NDUFS1: variants seen among roughly 807,000 people sequenced by gnomAD.
The protein encoded by NDUFS1 is NADH-ubiquinone oxidoreductase 75 kDa subunit, mitochondrial.
Under a neutral mutation model 84.4 loss-of-function variants are expected in NDUFS1, and 61 were observed. The ratio of observed to expected loss-of-function variants is 0.72; its 90% CI spans 0.59 to 0.89. The LOEUF (loss-of-function observed/expected upper bound fraction) is 0.89. Among genes scored for constraint, NDUFS1 ranks in the 40% least tolerant of loss-of-function variants. The pLI is 0.00. For synonymous variants in NDUFS1, 275 were observed against 290.0 expected (o/e 0.95, Z 0.53); for missense variants, 891 against 890.0 (o/e 1.00, Z -0.01).
intron 3 of NDUFS1, among the ~76,000 whole-genome samples, chr2:206,151,449 C>G (rs978260541): frequency 2.6e-5 from 4 of 152,190 alleles, no homozygotes; most frequent in African/African-American, 9.7e-5. Context: ...TCAGGGATGA[C>G]CTGAGGCACC....
chr2:206,153,987 C>T (rs544902943), intron 1 of NDUFS1, among the ~76,000 whole-genome samples: 2 of 152,284 alleles, frequency 1.3e-5, no homozygotes, highest in African/African-American at 4.8e-5. Context: ...CACTACCACA[C>T]AGTAAAATAA....
chr2:206,128,939 T>G (rs1405098950), intron 15 of NDUFS1, among the ~76,000 whole-genome samples: 1 of 151,994 alleles, frequency 6.6e-6, no homozygotes, highest in East Asian at 1.9e-4. Flanking sequence ...TTTGTGAAAT[T>G]TGGTAAAGTA....
intron 3 of NDUFS1, 98 bp from the exon 4 acceptor site, chr2:206,150,023 T>TTCTATCCATCTA (rs1553507437): frequency 1.6e-4 from 108 of 691,648 alleles, no homozygotes; most frequent in Admixed American, 3.0e-4. Flanking sequence ...ATCTTATTAC[T>TTCTATCCATCTA]TCTATCTATC....
chr2:206,151,275 C>T (rs1038409836), intron 3 of NDUFS1, among the ~76,000 whole-genome samples: 1 of 152,182 alleles, frequency 6.6e-6, no homozygotes, highest in African/African-American at 2.4e-5. Context: ...AACTTGATTT[C>T]CTGTGATCTC....
chr2:206,120,598 G>T lies in NDUFS1; in HGVS notation c.*3587C>A, dbSNP rs1267024447. 6.6e-6 allele frequency: 1 copy of T among 152,408 alleles called. No individual in the cohort carries two copies. The highest frequency in any genetic ancestry group is 1.5e-5 in the Non-Finnish European group (1 of 68,218). The allele number at this position is 152,408 out of a possible 1,614,324, so 9.4% of individuals were successfully genotyped here. On this transcript the variant is annotated 3_prime_UTR_variant, in exon 19 of 19. Coordinates refer to ENST00000233190, the MANE Select transcript of NDUFS1 (RefSeq NM_005006.7). ...TTGAACTTAAGAGTGATGACTTAGG[G>T]TATCAGGGTATCTGGCAGAAGAAAT...
chr2:206,127,124 A>G (rs554897404), intron 16 of NDUFS1, among the ~76,000 whole-genome samples: 3 of 152,376 alleles, frequency 2.0e-5, no homozygotes, highest in Admixed American at 6.5e-5. Context: ...ATTAAAATAC[A>G]TAAAGTTTAC....
At chr2:206,158,945 T>A (rs1683225340) in intron 1 of NDUFS1, 1 of 742,366 alleles carries the variant, frequency 1.3e-6, no homozygotes, top group Non-Finnish European at 2.2e-6. Context: ...ATGCACTGTA[T>A]CAGGCGTGTA....
chr2:206,137,124 G>A (rs1198656701), intron 13 of NDUFS1, among the ~76,000 whole-genome samples: 1 of 152,102 alleles, frequency 6.6e-6, no homozygotes, highest in Non-Finnish European at 1.5e-5. Context: ...TGTATCTTTA[G>A]ACTGAAAGTA....
In NDUFS1 at chr2:206,147,776, G is replaced by C; in HGVS notation, c.397C>G (p.Gln133Glu). The change falls in exon 6 of 19, where the codon CAG becomes GAG. Residue 133 changes from glutamine to glutamate, a missense_variant. By Grantham distance (29) the Gln-to-Glu change is conservative. Coordinates refer to ENST00000233190, the MANE Select transcript of NDUFS1 (RefSeq NM_005006.7). ...NHPLDCPICD[Q>E]GGECDLQDQS... ...ACCTGCAGATCACATTCACCTCCCTGGTCACAAATAGGACAGTCCAATGGG... is the reference window on the plus strand; with the variant it reads ...ACCTGCAGATCACATTCACCTCCCTCGTCACAAATAGGACAGTCCAATGGG... 1 of 1,613,936 alleles carries C rather than the reference G, an allele frequency of 6.2e-7. No individual in the cohort carries two copies. Among genetic ancestry groups the C allele is most frequent in the Non-Finnish European group, 8.5e-7 (1 of 1,179,938 alleles).
intron 15 of NDUFS1, among the ~76,000 whole-genome samples, chr2:206,128,857 A>G (rs1691397164): frequency 6.6e-6 from 1 of 152,114 alleles, no homozygotes; most frequent in Non-Finnish European, 1.5e-5. Flanking sequence ...TATGTATAAT[A>G]TAATACACAC....
chr2:206,155,195 T>C (rs972523917), intron 1 of NDUFS1, among the ~76,000 whole-genome samples: 1 of 152,166 alleles, frequency 6.6e-6, no homozygotes, highest in African/African-American at 2.4e-5. Flanking sequence ...CTCAGCTCAC[T>C]GCAACCTCCG....
rs1056433452 is a variant in NDUFS1, at chr2:206,130,243, C to T, written c.1554-1G>A. On this transcript the variant is annotated splice_acceptor_variant, in intron 14 of 18. Coordinates refer to ENST00000233190, the MANE Select transcript of NDUFS1 (RefSeq NM_005006.7). LOFTEE classifies it high-confidence loss of function. ...CAAAGCAGCTACTTGACTTGCAATC[C>T]TGCAAAGCAATTATGGAATTTTACC... 2 of 1,614,052 alleles carry T rather than the reference C, an allele frequency of 1.2e-6. No individual in the cohort carries two copies. The highest frequency in any genetic ancestry group is 1.7e-6 in the Non-Finnish European group (2 of 1,180,030).
intron 18 of NDUFS1, among the ~76,000 whole-genome samples, chr2:206,125,095 C>CT (rs5838011): frequency 0.41 from 62,447 of 151,526 alleles, 13,312 homozygotes; most frequent in Admixed American, 0.48. Flanking sequence ...ATCTGCCCCC[C>CT]TCAGCCTCCC....
At chr2:206,131,985 G>A (rs981860132) in intron 14 of NDUFS1, among the ~76,000 whole-genome samples, 1 of 151,484 alleles carries the variant, frequency 6.6e-6, no homozygotes, top group Non-Finnish European at 1.5e-5. Context: ...TTAGCCAGGT[G>A]TGGTGGCACA....
intron 8 of NDUFS1, 81 bp from the exon 9 acceptor site, chr2:206,145,107 T>TAAAA (rs1692110006): frequency 2.1e-6 from 3 of 1,401,716 alleles, no homozygotes; most frequent in African/African-American, 2.9e-5. Flanking sequence ...AAAAAATTTT[T>TAAAA]TTTACAATTA....
chr2:206,157,596 T>C (rs1334235998), intron 1 of NDUFS1, among the ~76,000 whole-genome samples: 1 of 152,218 alleles, frequency 6.6e-6, no homozygotes, highest in African/African-American at 2.4e-5. Context: ...TCATACAATT[T>C]TAAAACTTTA....
intron 13 of NDUFS1, among the ~76,000 whole-genome samples, chr2:206,136,325 T>C (rs976281935): frequency 6.6e-5 from 10 of 151,436 alleles, no homozygotes; most frequent in Non-Finnish European, 1.5e-4. Flanking sequence ...GTACTGGAAT[T>C]ACAGGCATGA....
At chr2:206,144,536 T>G (rs1165469239) in intron 9 of NDUFS1, among the ~76,000 whole-genome samples, 1 of 152,242 alleles carries the variant, frequency 6.6e-6, no homozygotes, top group Non-Finnish European at 1.5e-5. Flanking sequence ...TTCAGCTTCT[T>G]TTTCAAGCAA....
rs1402803155 is a variant in NDUFS1, at chr2:206,142,610, A to G, written c.1133+76T>C. 3 of 1,560,332 alleles carry G rather than the reference A, an allele frequency of 1.9e-6. No individual in the cohort carries two copies. The East Asian group carries it at 6.7e-5, about 35-fold the overall frequency. On this transcript the variant is annotated intron_variant, in intron 11 of 18. Coordinates refer to ENST00000233190, the MANE Select transcript of NDUFS1 (RefSeq NM_005006.7). ...AACTGGGGGATATGTTGGAGAATCC[A>G]GGTTGTCACATTTTATACATAACTT...
Sources: allele counts gnomAD v4.1 joint callset (sites outside exome capture counted in the v4.1 genomes callset), GRCh38; gene constraint gnomAD v4.1.1; transcripts MANE v1.5; gene names NCBI Gene and HGNC (gene_info 2026-07-23, HGNC 2026-07-21).